The following ZZEF1 variants were observed in gnomAD, a reference collection of about 807,000 sequenced individuals.
ZZEF1 encodes zinc finger ZZ-type and EF-hand domain containing 1.
Under a neutral mutation model 342.8 loss-of-function variants are expected in ZZEF1, and 157 were observed. The ratio of observed to expected loss-of-function variants is 0.46; its 90% CI spans 0.40 to 0.52. ZZEF1 has a LOEUF of 0.52. ZZEF1 is among the 20% of genes least tolerant of loss of function. The pLI is 0.00. For missense variants in ZZEF1, 3,480 were observed against 3,725.6 expected, an observed-to-expected ratio of 0.93 and a Z score of 1.72; for synonymous variants, 1,505 against 1,429.1, an observed-to-expected ratio of 1.05 and a Z score of -1.20.
chr17:4,084,412 A>C (rs1304093499), intron 16 of ZZEF1, among the ~76,000 whole-genome samples: 1 of 152,044 alleles, frequency 6.6e-6, no homozygotes, highest in Non-Finnish European at 1.5e-5. Context: ...TGCACTGGTT[A>C]ATTAATATTT....
rs552650549 is a variant in ZZEF1, at chr17:4,128,254, A to G, written c.355-4203T>C. ...TCCCAGCTACTCAGGAGGCTGCAGC[A>G]CAAGAATCGCTTGAAGCCAGGAGGC... is the stretch of plus-strand genomic sequence containing the variant. On this transcript the variant is annotated intron_variant, in intron 1 of 54. Coordinates refer to ENST00000381638, the MANE Select transcript of ZZEF1 (RefSeq NM_015113.4). Among the ~76,000 whole-genome samples the G allele has an allele frequency of 6.0e-5, 9 of 150,286 alleles. No individual in the cohort carries two copies. In the South Asian group the frequency reaches 1.9e-3, roughly 32 times the overall value.
In ZZEF1 at chr17:4,070,857, T is replaced by C; in HGVS notation, c.3902A>G (p.Gln1301Arg). ...LLDFAQSEPA[Q>R]NFCGPYSELF... is the part of the protein sequence containing the mutation. ...TTCTGAATATGGCCCACAGAAGTTCTGAGCAGGCTCTGACTGGGCAAAATC... is the reference window on the plus strand; with the variant it reads ...TTCTGAATATGGCCCACAGAAGTTCCGAGCAGGCTCTGACTGGGCAAAATC... The change falls in exon 26 of 55, where the codon CAG becomes CGG. Residue 1301 changes from glutamine to arginine, a missense_variant. Gln to Arg is a conservative substitution (Grantham distance 43, BLOSUM62 1). Around this residue, in one of 5 missense-constraint regions of ZZEF1, gnomAD observed 1,528 missense variants for 1,624.1 expected, o/e 0.94. Coordinates refer to ENST00000381638, the MANE Select transcript of ZZEF1 (RefSeq NM_015113.4). 1 of 1,614,174 alleles carries C rather than the reference T, an allele frequency of 6.2e-7. No individual in the cohort carries two copies. The highest frequency in any genetic ancestry group is 8.5e-7 in the Non-Finnish European group (1 of 1,180,036).
At chr17:4,030,126 C>A (rs1040776811) in intron 42 of ZZEF1, among the ~76,000 whole-genome samples, 2 of 151,222 alleles carry the variant, frequency 1.3e-5, no homozygotes, top group African/African-American at 4.9e-5. Context: ...GGGCAGTAAT[C>A]AAAGAAACAG....
In ZZEF1 at chr17:4,049,643, A is replaced by C; in HGVS notation, c.6015+65T>G. On this transcript the variant is annotated intron_variant, in intron 37 of 54. Transcript: ENST00000381638. Reference sequence around the variant, plus strand: ...GCTCTTAACCTCTCTGCTATGCTGCACTGAGTGAATGGCTCTCTCTAGAGT... The same window carrying C: ...GCTCTTAACCTCTCTGCTATGCTGCCCTGAGTGAATGGCTCTCTCTAGAGT... The C allele has an allele frequency of 1.9e-6, 3 of 1,597,002 alleles. No homozygotes were observed. In the South Asian group the frequency reaches 3.4e-5, roughly 18 times the overall value.
Position 4,032,408 on chromosome 17 carries a change from C to T in ZZEF1, c.6760-150G>A. ...CTTCTCATCTCTAAGTCCAAAGAGT[C>T]TGCCACAGGCTGGCACAGAATTGGT... On this transcript the variant is annotated intron_variant, in intron 41 of 54. Coordinates refer to ENST00000381638, the MANE Select transcript of ZZEF1 (RefSeq NM_015113.4). 6 of 883,576 alleles carry T rather than the reference C, an allele frequency of 6.8e-6. No homozygotes were observed. The South Asian group carries it at 1.1e-4, about 17-fold the overall frequency. 54.7% of individuals were successfully genotyped at this position (883,576 alleles called of 1,614,324 possible).
rs2056063174 is a variant in ZZEF1, at chr17:4,014,962, A to T, written c.8146-447T>A. Among the ~76,000 whole-genome samples the T allele has an allele frequency of 6.6e-6, 1 of 152,164 alleles. No homozygotes were observed. ...ATGCTTGGGAAGCAGGAACAGGGACAAGACCTGACTCCAGAGAGACTGGCA... is the reference window on the plus strand; with the variant it reads ...ATGCTTGGGAAGCAGGAACAGGGACTAGACCTGACTCCAGAGAGACTGGCA... On this transcript the variant is annotated intron_variant, in intron 49 of 54. Coordinates refer to ENST00000381638, the MANE Select transcript of ZZEF1 (RefSeq NM_015113.4). The surrounding 1 kb of genome is among the most constrained non-coding windows in gnomAD (Gnocchi z 4.4).
intron 1 of ZZEF1, among the ~76,000 whole-genome samples, chr17:4,131,087 T>C (rs2058655764): frequency 6.6e-6 from 1 of 152,190 alleles, no homozygotes; most frequent in South Asian, 2.1e-4. Flanking sequence ...CATGCAAGGT[T>C]CTCAAAAGAT....
chr17:4,073,938 T>C (rs180776434), intron 24 of ZZEF1, among the ~76,000 whole-genome samples: 18 of 152,094 alleles, frequency 1.2e-4, no homozygotes, highest in African/African-American at 4.1e-4. Flanking sequence ...AGAGAACCCA[T>C]GGCAGCCTTC....
At chr17:4,135,404 A>G (rs1427173894) in intron 1 of ZZEF1, among the ~76,000 whole-genome samples, 1 of 151,996 alleles carries the variant, frequency 6.6e-6, no homozygotes, top group African/African-American at 2.4e-5. Flanking sequence ...TGAACCTGGG[A>G]GGCAAAGGTT....
intron 11 of ZZEF1, among the ~76,000 whole-genome samples, chr17:4,092,669 T>C (rs1390123252): frequency 2.0e-5 from 3 of 152,174 alleles, no homozygotes; most frequent in Non-Finnish European, 4.4e-5. Context: ...CAGTTAACCC[T>C]AATGGGAAAC....
In ZZEF1 at chr17:4,019,800, C is replaced by T. The variant is rs547237452; in HGVS notation, c.7405-31G>A. ...GGCCAGGGGAGGACGCAGACAAGAA[C>T]CATTAACAGTGCTTCAATACGGTAT... On this transcript the variant is annotated intron_variant, in intron 45 of 54. Coordinates refer to ENST00000381638, the MANE Select transcript of ZZEF1 (RefSeq NM_015113.4). The T allele has an allele frequency of 5.0e-5, 76 of 1,532,872 alleles. No homozygotes were observed. The South Asian group carries it at 8.6e-4, about 17-fold the overall frequency. 95.0% of individuals were successfully genotyped at this position (1,532,872 alleles called of 1,614,324 possible).
At chr17:4,140,857 T>C (rs1283274283) in intron 1 of ZZEF1, among the ~76,000 whole-genome samples, 1 of 149,982 alleles carries the variant, frequency 6.7e-6, no homozygotes, top group Non-Finnish European at 1.5e-5. Context: ...AAGAAGGTAC[T>C]ATGTGTATTC....
chr17:4,092,453 C>T (rs1369198627), intron 11 of ZZEF1, among the ~76,000 whole-genome samples: 1 of 151,994 alleles, frequency 6.6e-6, no homozygotes, highest in African/African-American at 2.4e-5. Flanking sequence ...TGCCTGCCAC[C>T]ACACCTGGCT....
intron 41 of ZZEF1, 107 bp from the exon 42 acceptor site, chr17:4,032,365 G>T: frequency 8.2e-7 from 1 of 1,225,382 alleles, no homozygotes; most frequent in Non-Finnish European, 1.1e-6. Context: ...ATTTCAACAA[G>T]CACGCAAGGA....
chr17:4,005,456 C>CG lies in ZZEF1; in HGVS notation c.*1433dup. ...CTTAAATCCCACCCTCCACCCGCCC[C>CG]GGGATGGTTCTACCAGAACTCTGGG... On this transcript the variant is annotated 3_prime_UTR_variant, in exon 55 of 55. Transcript: ENST00000381638. 6.6e-6 allele frequency: 1 copy of CG among 152,538 alleles called. No individual in the cohort carries two copies. The highest frequency in any genetic ancestry group is 2.4e-5 in the African/African-American group (1 of 41,598). The allele number at this position is 152,538 out of a possible 1,614,324, so 9.4% of individuals were successfully genotyped here.
At chr17:4,056,144 C>G in intron 33 of ZZEF1, 72 bp downstream of exon 33, 1 of 1,383,032 alleles carries the variant, frequency 7.2e-7, no homozygotes, top group Non-Finnish European at 9.5e-7. Context: ...CCTGCCAGAA[C>G]CCCCCCAGGC....
chr17:4,134,535 C>T (rs1199727411), intron 1 of ZZEF1, among the ~76,000 whole-genome samples: 1 of 151,852 alleles, frequency 6.6e-6, no homozygotes, highest in Non-Finnish European at 1.5e-5. Context: ...GATACGAGAA[C>T]TAAGAGTATA....
chr17:4,050,810 TC>T lies in ZZEF1; in HGVS notation c.5833del (p.Asp1945ThrfsTer3). The T allele has an allele frequency of 6.2e-7, 1 of 1,614,094 alleles. No homozygotes were observed. Among genetic ancestry groups the T allele is most frequent in the Non-Finnish European group, 8.5e-7 (1 of 1,180,030 alleles). ...LRSQCMQLVGDCLMKAHQGKG... is the reference protein window; with the variant it reads ...LRSQCMQLVGXCLMKAHQGKG... ...TCCCTGATGAGCCTTCATCAGACAG[TC>T]CCCGACGAGCTGCATGCACTGGCTC... On this transcript the variant is annotated frameshift_variant, in exon 36 of 55. Coordinates refer to ENST00000381638, the MANE Select transcript of ZZEF1 (RefSeq NM_015113.4). LOFTEE classifies it high-confidence loss of function.
chr17:4,093,304 C>T (rs2057978190), intron 11 of ZZEF1, among the ~76,000 whole-genome samples: 2 of 152,060 alleles, frequency 1.3e-5, no homozygotes, highest in South Asian at 2.1e-4. Flanking sequence ...ACACGTGTAA[C>T]GGAAGGGAGA....
Sources: gnomAD v4.1 joint callset for allele counts (sites outside exome capture counted in the v4.1 genomes callset) on GRCh38, gnomAD v4.1.1 for gene constraint, gnomAD v4.1.1 regional missense constraint, Gnocchi (gnomAD v3.1) non-coding constraint, MANE v1.5 for transcripts, NCBI Gene and HGNC (gene_info 2026-07-23, HGNC 2026-07-21) for gene names.